The following NAALADL2 variants were observed in gnomAD, a reference collection of about 807,000 sequenced individuals.
NAALADL2 encodes inactive N-acetylated-alpha-linked acidic dipeptidase-like protein 2.
NAALADL2 carries 76 observed loss-of-function variants against 87.2 expected under a neutral mutation model. The ratio of observed to expected loss-of-function variants is 0.87; its 90% CI spans 0.72 to 1.05. NAALADL2 has a LOEUF of 1.05. Ranked by LOEUF, NAALADL2 falls within the 50% of genes least tolerant of loss-of-function variation. The pLI, the probability that NAALADL2 is intolerant of heterozygous loss-of-function variation, is 0.00. For synonymous variants in NAALADL2, 354 were observed against 331.0 expected (o/e 1.07, Z -0.75); for missense variants, 1,089 against 945.8 (o/e 1.15, Z -1.99).
intron 11 of NAALADL2, among the ~76,000 whole-genome samples, chr3:175,642,511 T>TC (rs919996720): frequency 1.3e-5 from 2 of 151,756 alleles, no homozygotes; most frequent in African/African-American, 2.4e-5. Context: ...TTTTTTTTTT[T>TC]TTTTCTTGAG....
chr3:174,443,793 GGAGAAT>G, intron 1 of NAALADL2, among the ~76,000 whole-genome samples: 4 of 144,792 alleles, frequency 2.8e-5, no homozygotes, highest in Non-Finnish European at 6.4e-5. Context: ...AGGGAAAGCA[GGAGAAT>G]ATGGAATCCT....
intron 5 of NAALADL2, among the ~76,000 whole-genome samples, chr3:175,342,921 A>G (rs1467715554): frequency 6.6e-6 from 1 of 152,096 alleles, no homozygotes; most frequent in East Asian, 1.9e-4. Flanking sequence ...CCAATCAGTT[A>G]CATGTGTCGC....
chr3:175,312,507 T>G (rs1388939389), intron 4 of NAALADL2, among the ~76,000 whole-genome samples: 1 of 152,110 alleles, frequency 6.6e-6, no homozygotes, highest in East Asian at 1.9e-4. Context: ...GATTTCAGTG[T>G]CTTCTTAGAA....
chr3:174,927,799 C>A (rs753399914), intron 1 of NAALADL2, among the ~76,000 whole-genome samples: 1 of 152,072 alleles, frequency 6.6e-6, no homozygotes, highest in Non-Finnish European at 1.5e-5. Context: ...ATTGAAAGAA[C>A]TAGAGAAGCA....
intron 2 of NAALADL2, among the ~76,000 whole-genome samples, chr3:175,109,720 A>C (rs796468605): frequency 1.9e-4 from 29 of 151,914 alleles, no homozygotes; most frequent in African/African-American, 6.5e-4. Flanking sequence ...TTACCCAGCA[A>C]CTAACTGGTT....
chr3:174,679,890 T>C (rs1005077963), intron 2 of NAALADL2, among the ~76,000 whole-genome samples: 2 of 152,188 alleles, frequency 1.3e-5, no homozygotes, highest in Non-Finnish European at 2.9e-5. Flanking sequence ...TTGTCAAAAA[T>C]GTTTTGTTGA....
intron 1 of NAALADL2, among the ~76,000 whole-genome samples, chr3:174,957,199 C>T (rs913467876): frequency 3.9e-5 from 6 of 152,000 alleles, no homozygotes; most frequent in African/African-American, 9.7e-5. Context: ...AAAGCAATCC[C>T]GAGACTTCCT....
intron 3 of NAALADL2, among the ~76,000 whole-genome samples, chr3:174,837,689 G>T (rs530633004): frequency 7.2e-4 from 110 of 152,182 alleles, no homozygotes; most frequent in African/African-American, 2.5e-3. Flanking sequence ...AGCTACTCGG[G>T]AGGCTGAGGC....
intron 2 of NAALADL2, among the ~76,000 whole-genome samples, chr3:175,117,811 C>A (rs1296828922): frequency 6.6e-6 from 1 of 152,056 alleles, no homozygotes; most frequent in Non-Finnish European, 1.5e-5. Context: ...AAGACATGTG[C>A]ACACGTATGT....
At chr3:175,566,925 T>G (rs1429285754) in intron 9 of NAALADL2, among the ~76,000 whole-genome samples, 1 of 152,150 alleles carries the variant, frequency 6.6e-6, no homozygotes, top group Non-Finnish European at 1.5e-5. Context: ...ATCTTTTTTA[T>G]CTTTTGAGTT....
chr3:175,590,214 ATATATATATATAT>A (rs1721204738), intron 10 of NAALADL2, among the ~76,000 whole-genome samples: 5 of 146,888 alleles, frequency 3.4e-5, no homozygotes, highest in African/African-American at 1.0e-4. Flanking sequence ...TCCGTCTAAT[ATATATATATATAT>A]ATATATATAT....
chr3:175,580,991 TA>T (rs1313586660), intron 10 of NAALADL2, among the ~76,000 whole-genome samples: 2 of 152,050 alleles, frequency 1.3e-5, no homozygotes, highest in Non-Finnish European at 2.9e-5. Context: ...ATAATATCAA[TA>T]ACTAAATTAG....
chr3:175,672,278 A>G (rs953584463), intron 11 of NAALADL2, among the ~76,000 whole-genome samples: 6 of 152,168 alleles, frequency 3.9e-5, no homozygotes, highest in African/African-American at 1.4e-4. Context: ...GTTTATGACT[A>G]AATCATAAGT....
At chr3:175,155,354 A>C (rs1224388922) in intron 2 of NAALADL2, among the ~76,000 whole-genome samples, 1 of 152,180 alleles carries the variant, frequency 6.6e-6, no homozygotes, top group Non-Finnish European at 1.5e-5. Flanking sequence ...CTTCTTCACC[A>C]GGTGTAACTT....
chr3:174,988,557 C>T (rs968706820), intron 1 of NAALADL2, among the ~76,000 whole-genome samples: 1 of 152,138 alleles, frequency 6.6e-6, no homozygotes, highest in African/African-American at 2.4e-5. Context: ...TTTATTTTCT[C>T]ACTGTTCTTG....
intron 1 of NAALADL2, among the ~76,000 whole-genome samples, chr3:175,012,712 A>T (rs1750012409): frequency 6.6e-6 from 1 of 152,026 alleles, no homozygotes; most frequent in Non-Finnish European, 1.5e-5. Context: ...CTTTCACACT[A>T]CAGTGGAAAT....
At chr3:175,284,287 G>T (rs903576583) in intron 4 of NAALADL2, among the ~76,000 whole-genome samples, 2 of 149,090 alleles carry the variant, frequency 1.3e-5, no homozygotes, top group African/African-American at 5.0e-5. Flanking sequence ...TGCCTTTCTT[G>T]GTCCTCCTTC....
chr3:175,310,804 A>G (rs1358592735), intron 4 of NAALADL2, among the ~76,000 whole-genome samples: 1 of 152,092 alleles, frequency 6.6e-6, no homozygotes, highest in Admixed American at 6.6e-5. Context: ...ACTAAAAATA[A>G]ATAGTAAGTT....
rs1306594041 is a variant in NAALADL2 at position 175,026,481 on chromosome 3, C to CT, written c.44-70308dup. Among the ~76,000 whole-genome samples the CT allele has an allele frequency of 6.2e-5, 6 of 96,794 alleles. No individual in the cohort carries two copies. The East Asian group carries it at 1.6e-3, about 26-fold the overall frequency. The allele number at this position is 96,794 out of a possible 152,430, so 63.5% of individuals were successfully genotyped here. On this transcript the variant is annotated intron_variant, in intron 1 of 13. Transcript: ENST00000454872. ...CCAGCATGGTGAAACCCCGTCTCTACTAAAAAAAAAAAAAAAAAAAAAAAT... is the reference window on the plus strand; with the variant it reads ...CCAGCATGGTGAAACCCCGTCTCTACTTAAAAAAAAAAAAAAAAAAAAAAAT...
Sources: gnomAD v4.1 joint callset for allele counts (sites outside exome capture counted in the v4.1 genomes callset) on GRCh38, gnomAD v4.1.1 for gene constraint, MANE v1.5 for transcripts, NCBI Gene and HGNC (gene_info 2026-07-23, HGNC 2026-07-21) for gene names.